DLGAP1: variants seen among roughly 807,000 people sequenced by gnomAD.
The protein encoded by DLGAP1 is DLG associated protein 1.
A neutral mutation model predicts 90.8 loss-of-function variants in DLGAP1; 11 were observed. The ratio of observed to expected loss-of-function variants is 0.12; its 90% CI spans 0.08 to 0.20. DLGAP1 has a LOEUF of 0.20. DLGAP1 is among the 10% of genes least tolerant of loss of function. The probability of loss-of-function intolerance (pLI) is 1.00; values close to 1 mark genes in which losing one functional copy is unlikely to be tolerated. For synonymous variants in DLGAP1, 558 were observed against 540.7 expected (o/e 1.03, Z -0.44); for missense variants, 1,050 against 1,333.8 (o/e 0.79, Z 3.31).
chr18:4,274,614 T>C (rs551307230), intron 1 of DLGAP1, among the ~76,000 whole-genome samples: 119 of 152,340 alleles, frequency 7.8e-4, no homozygotes, highest in Middle Eastern at 3.4e-3. Flanking sequence ...TCAATACAGG[T>C]AGATAGGCAC....
intron 11 of DLGAP1, among the ~76,000 whole-genome samples, chr18:3,505,787 T>C (rs1315437360): frequency 6.6e-6 from 1 of 152,112 alleles, no homozygotes; most frequent in Non-Finnish European, 1.5e-5. Flanking sequence ...TTGACCAGCA[T>C]TGCGACTGTC....
chr18:4,110,751 A>T (rs2075958450), intron 2 of DLGAP1, among the ~76,000 whole-genome samples: 1 of 152,208 alleles, frequency 6.6e-6, no homozygotes, highest in Admixed American at 6.5e-5. Context: ...TTTATTGAGT[A>T]GGGCTATCTG....
chr18:3,890,075 A>G (rs933346460), intron 3 of DLGAP1, among the ~76,000 whole-genome samples: 1 of 152,196 alleles, frequency 6.6e-6, no homozygotes, highest in Non-Finnish European at 1.5e-5. Context: ...CATCCAAGTA[A>G]AGGGGACCCT....
intron 1 of DLGAP1, among the ~76,000 whole-genome samples, chr18:4,295,885 TA>T (rs1191347328): frequency 6.6e-6 from 1 of 152,248 alleles, no homozygotes; most frequent in African/African-American, 2.4e-5. Context: ...GAAAGGCTTT[TA>T]TTAAGTGTAT....
At chr18:4,165,703 G>A (rs1338734445) in intron 1 of DLGAP1, among the ~76,000 whole-genome samples, 1 of 152,106 alleles carries the variant, frequency 6.6e-6, no homozygotes, top group Non-Finnish European at 1.5e-5. Flanking sequence ...TACTTAAAAA[G>A]GTAAAATGCT....
At chr18:3,860,113 T>TAAAAAATAA (rs1555695348) in intron 4 of DLGAP1, among the ~76,000 whole-genome samples, 2,490 of 141,892 alleles carry the variant, frequency 0.018, 72 homozygotes, top group Non-Finnish European at 0.024. Flanking sequence ...AATAAATAAA[T>TAAAAAATAA]AAATAAATTT....
chr18:3,543,386 C>T (rs2052817141), intron 9 of DLGAP1, among the ~76,000 whole-genome samples: 1 of 152,032 alleles, frequency 6.6e-6, no homozygotes, highest in Non-Finnish European at 1.5e-5. Context: ...AGGATGGTCT[C>T]GATCTCCTGA....
intron 7 of DLGAP1, among the ~76,000 whole-genome samples, chr18:3,628,950 C>T (rs2058416410): frequency 6.6e-6 from 1 of 152,078 alleles, no homozygotes; most frequent in Admixed American, 6.6e-5. Flanking sequence ...TATTCCTGTC[C>T]TGTATTTGGC....
At chr18:3,764,264 C>T (rs528554950) in intron 5 of DLGAP1, among the ~76,000 whole-genome samples, 85 of 152,288 alleles carry the variant, frequency 5.6e-4, no homozygotes, top group Non-Finnish European at 9.0e-4. Flanking sequence ...ATCCTGTACC[C>T]TCCCATAAGC....
Position 3,583,171 on chromosome 18 carries a change from TACC to T in DLGAP1, c.1592-926_1592-924del, listed in dbSNP as rs1475386638. ...CTACCTACCTACCTACCTACCTACC[TACC>T]TACCTACCTACCTTCCTTCCTTCCT... On this transcript the variant is annotated intron_variant, in intron 7 of 12. Coordinates refer to ENST00000315677, the MANE Select transcript of DLGAP1 (RefSeq NM_004746.4). Among the ~76,000 whole-genome samples the T allele has an allele frequency of 9.4e-3, 1,328 of 140,544 alleles. 19 individuals are homozygous for T. The highest frequency in any genetic ancestry group is 0.052 in the Middle Eastern group (13 of 250). 92.2% of individuals were successfully genotyped at this position (140,544 alleles called of 152,430 possible). A position where few individuals can be genotyped will look rare whatever the true frequency, so the allele number is the denominator to read the frequency against.
intron 1 of DLGAP1, among the ~76,000 whole-genome samples, chr18:4,276,203 CA>C (rs1264193956): frequency 7.5e-5 from 11 of 146,948 alleles, no homozygotes; most frequent in Non-Finnish European, 1.3e-4. Context: ...GGGCAGGAGA[CA>C]GGGGGAGGCA....
intron 5 of DLGAP1, among the ~76,000 whole-genome samples, chr18:3,807,340 C>A (rs1029256431): frequency 2.0e-5 from 3 of 152,156 alleles, no homozygotes; most frequent in Admixed American, 6.5e-5. Flanking sequence ...TTAGTAAGTT[C>A]AACTTTCCGT....
In DLGAP1 at chr18:3,507,085, G is replaced by C. The variant is rs75447199; in HGVS notation, c.2571+1485C>G. 1.0e-2 allele frequency among the ~76,000 whole-genome samples: 1,514 copies of C among 152,106 alleles called. 29 individuals are homozygous for C. Among genetic ancestry groups the C allele is most frequent in the African/African-American group, 0.035 (1,451 of 41,476 alleles). On this transcript the variant is annotated intron_variant, in intron 11 of 12. Coordinates refer to ENST00000315677, the MANE Select transcript of DLGAP1 (RefSeq NM_004746.4). ...AAGGAGAGATTACAAAGAGAAAAGA[G>C]GGATGGAGACTACCACCTTTTCCAT...
chr18:4,239,437 T>C (rs2078484284), intron 1 of DLGAP1, among the ~76,000 whole-genome samples: 1 of 152,190 alleles, frequency 6.6e-6, no homozygotes, highest in Non-Finnish European at 1.5e-5. Flanking sequence ...GAATAAGCAA[T>C]TTTACCTGCT....
chr18:3,509,175 C>T (rs1391443028), intron 10 of DLGAP1, among the ~76,000 whole-genome samples: 1 of 152,098 alleles, frequency 6.6e-6, no homozygotes, highest in African/African-American at 2.4e-5. Context: ...CACATCCTTT[C>T]TTATTTTTCC....
At chr18:3,567,900 T>C (rs1185783914) in intron 8 of DLGAP1, among the ~76,000 whole-genome samples, 2 of 152,146 alleles carry the variant, frequency 1.3e-5, no homozygotes, top group Admixed American at 1.3e-4. Context: ...AAATGTGTTC[T>C]TGGAAGTTTT....
chr18:3,857,663 C>A (rs931222212), intron 4 of DLGAP1, among the ~76,000 whole-genome samples: 12 of 152,048 alleles, frequency 7.9e-5, no homozygotes, highest in Non-Finnish European at 1.6e-4. Context: ...TTTTTATGAC[C>A]TTTCTTAGTG....
At chr18:3,694,072 G>A (rs1227250530) in intron 7 of DLGAP1, among the ~76,000 whole-genome samples, 7 of 137,042 alleles carry the variant, frequency 5.1e-5, no homozygotes, top group Non-Finnish European at 1.1e-4. Context: ...AGAGTGTGAC[G>A]TTCCCCTCCC....
intron 3 of DLGAP1, among the ~76,000 whole-genome samples, chr18:3,899,567 A>G (rs1267118374): frequency 6.6e-6 from 1 of 152,146 alleles, no homozygotes; most frequent in East Asian, 1.9e-4. Flanking sequence ...TCGGGCTGCT[A>G]TTGCTTTCTT....
Sources: allele counts gnomAD v4.1 joint callset (sites outside exome capture counted in the v4.1 genomes callset), GRCh38; gene constraint gnomAD v4.1.1; transcripts MANE v1.5; gene names NCBI Gene and HGNC (gene_info 2026-07-23, HGNC 2026-07-21).